Variants in SSTR4 observed in about 807,000 individuals in gnomAD.
SSTR4 encodes the protein somatostatin receptor 4, also known as somatostatin receptor type 4.
For missense variants in SSTR4, 649 were observed against 540.6 expected (o/e 1.20, Z -1.99); for synonymous variants, 272 against 246.3 (o/e 1.10, Z -0.98).
In SSTR4 at chr20:23,036,892, T is replaced by G; in HGVS notation, c.*242T>G. On this transcript the variant is annotated 3_prime_UTR_variant, in exon 1 of 1. Transcript: ENST00000255008. ...TCCTCTGGAAACTGGGCTAGGATAT[T>G]AATCATTCCTGAACCTCTGGCTGTT... 4.2e-6 allele frequency: 2 copies of G among 474,190 alleles called. No homozygotes were observed. The highest frequency in any genetic ancestry group is 7.4e-6 in the Non-Finnish European group (2 of 270,966). 29.4% of individuals were successfully genotyped at this position (474,190 alleles called of 1,614,324 possible).
In SSTR4 at chr20:23,035,640, ATCTACGCGCTGGTG is replaced by A; in HGVS notation, c.159_172del (p.Ile53MetfsTer232). Reference sequence around the variant, plus strand: ...GGCGGGCATGGTCGCTATCCAGTGCATCTACGCGCTGGTGTGCCTGGTGGGGCTGGTGGGCAACG... The same window carrying A: ...GGCGGGCATGGTCGCTATCCAGTGCATGCCTGGTGGGGCTGGTGGGCAACG... On this transcript the variant is annotated frameshift_variant, in exon 1 of 1. Transcript: ENST00000255008. LOFTEE classifies it low-confidence loss of function (END_TRUNC). 6.5e-7 allele frequency: 1 copy of A among 1,541,036 alleles called. No individual in the cohort carries two copies. Among genetic ancestry groups the A allele is most frequent in the South Asian group, 1.3e-5 (1 of 78,688 alleles).
At position 23,035,925 on chromosome 20, in the gene SSTR4, G is replaced by A. The variant is rs1375049923; in HGVS notation, c.442G>A (p.Val148Met). ...GCTCAGCGTGGACCGCTACGTGGCC[G>A]TGGTGCACCCTCTGCGCGCGGCGAC... ...TVLSVDRYVA[V>M]VHPLRAATYR... is the part of the protein sequence containing the mutation. Residue 148 changes from valine to methionine, a missense_variant, in exon 1 of 1, where the codon GTG (valine) becomes ATG (methionine). Physicochemically the swap from Val to Met is conservative, Grantham distance 21. Coordinates refer to ENST00000255008, the MANE Select transcript of SSTR4 (RefSeq NM_001052.4). The A allele has an allele frequency of 1.9e-6, 3 of 1,612,820 alleles. No individual in the cohort carries two copies. The highest frequency in any genetic ancestry group is 2.5e-6 in the Non-Finnish European group (3 of 1,179,660).
Position 23,035,615 on chromosome 20 carries a change from G to T in SSTR4, c.132G>T (p.Ala44=). 6.5e-7 allele frequency: 1 copy of T among 1,545,366 alleles called. No homozygotes were observed. The highest frequency in any genetic ancestry group is 8.7e-7 in the Non-Finnish European group (1 of 1,151,118). ...TGGCGGGGCCCGGGGACGCGCGGGC[G>T]GCGGGCATGGTCGCTATCCAGTGCA... ...EAVAGPGDAR[A]AGMVAIQCIY... Residue 44 remains alanine, a synonymous_variant, in exon 1 of 1, where the codon GCG becomes GCT. Coordinates refer to ENST00000255008, the MANE Select transcript of SSTR4 (RefSeq NM_001052.4).
chr20:23,037,288 G>C lies in SSTR4; in HGVS notation c.*638G>C, dbSNP rs1984356401. 1 of 150,102 alleles carries C rather than the reference G, an allele frequency of 6.7e-6. No homozygotes were observed. Among genetic ancestry groups the C allele is most frequent in the South Asian group, 2.2e-4 (1 of 4,644 alleles). 9.3% of individuals were successfully genotyped at this position (150,102 alleles called of 1,614,324 possible). A position where few individuals can be genotyped will look rare whatever the true frequency, so the allele number is the denominator to read the frequency against. On this transcript the variant is annotated 3_prime_UTR_variant, in exon 1 of 1. Transcript: ENST00000255008. ...TTCCTGTGAGTAGAAAAGGTTTGGAGAGACATGACATGGGGTTTATTGCAA... is the reference window on the plus strand; with the variant it reads ...TTCCTGTGAGTAGAAAAGGTTTGGACAGACATGACATGGGGTTTATTGCAA...
Position 23,035,947 on chromosome 20 carries a change from C to T in SSTR4, c.464C>T (p.Ala155Val), listed in dbSNP as rs376321198. 4.9e-5 allele frequency: 79 copies of T among 1,610,388 alleles called. No homozygotes were observed. The highest frequency in any genetic ancestry group is 6.6e-5 in the Non-Finnish European group (78 of 1,179,134). ...GCCGTGGTGCACCCTCTGCGCGCGGCGACCTACCGGCGGCCCAGCGTGGCC... is the reference window on the plus strand; with the variant it reads ...GCCGTGGTGCACCCTCTGCGCGCGGTGACCTACCGGCGGCCCAGCGTGGCC... ...YVAVVHPLRA[A>V]TYRRPSVAKL... The change falls in exon 1 of 1, where the codon GCG (alanine) becomes GTG (valine). Residue 155 changes from alanine (A) to valine (V), a missense_variant. Coordinates refer to ENST00000255008, the MANE Select transcript of SSTR4 (RefSeq NM_001052.4).
rs1226023976 is a variant in SSTR4, at chr20:23,036,388, C to G, written c.905C>G (p.Ala302Gly). ...CACGTGTCCCTTATCCTTAGCTATGCCAACAGCTGCGCCAACCCCATTCTC... is the reference window on the plus strand; with the variant it reads ...CACGTGTCCCTTATCCTTAGCTATGGCAACAGCTGCGCCAACCCCATTCTC... ...VNHVSLILSY[A>G]NSCANPILYG... Residue 302 changes from alanine (A) to glycine (G), a missense_variant, in exon 1 of 1, where the codon GCC becomes GGC. Ala to Gly is a moderately conservative substitution (Grantham distance 60, BLOSUM62 0). Transcript: ENST00000255008. 8 of 1,614,122 alleles carry G rather than the reference C, an allele frequency of 5.0e-6. No individual in the cohort carries two copies. The highest frequency in any genetic ancestry group is 1.6e-4 in the Middle Eastern group (1 of 6,062).
rs1984402042 is a variant in SSTR4 at position 23,039,017 on chromosome 20, C to T, written c.*2367C>T. On this transcript the variant is annotated 3_prime_UTR_variant, in exon 1 of 1. Transcript: ENST00000255008. ...CAGCTTTAGTTCCATCAACCCCAGGCTTTTGTAACAACTGGTTGCATGAAA... is the reference window on the plus strand; with the variant it reads ...CAGCTTTAGTTCCATCAACCCCAGGTTTTTGTAACAACTGGTTGCATGAAA... The T allele has an allele frequency of 6.6e-6, 1 of 152,228 alleles. No individual in the cohort carries two copies. Among genetic ancestry groups the T allele is most frequent in the Non-Finnish European group, 1.5e-5 (1 of 68,058 alleles). 9.4% of individuals were successfully genotyped at this position (152,228 alleles called of 1,614,324 possible). A position where few individuals can be genotyped will look rare whatever the true frequency, so the allele number is the denominator to read the frequency against.
In SSTR4 at chr20:23,038,643, A is replaced by G. The variant is rs907166850; in HGVS notation, c.*1993A>G. On this transcript the variant is annotated 3_prime_UTR_variant, in exon 1 of 1. Transcript: ENST00000255008. ...CAGTGATTTAACCTCTCTAAGCCTC[A>G]GTTTCCCACTTGGAATATGTGCCAA... Among the ~76,000 whole-genome samples the G allele has an allele frequency of 1.8e-4, 27 of 152,330 alleles. No individual in the cohort carries two copies. The highest frequency in any genetic ancestry group is 6.3e-4 in the African/African-American group (26 of 41,588).
Position 23,035,533 on chromosome 20 carries a change from C to G in SSTR4, c.50C>G (p.Thr17Arg), listed in dbSNP as rs1332222543. Residue 17 changes from threonine (T) to arginine (R), a missense_variant, in exon 1 of 1, where the codon ACG becomes AGG. Coordinates refer to ENST00000255008, the MANE Select transcript of SSTR4 (RefSeq NM_001052.4). ...LPPGGEEGLG[T>R]AWPSAANASS... is the part of the protein sequence containing the mutation. Reference sequence around the variant, plus strand: ...CCCGGGGGCGAGGAAGGGCTGGGGACGGCCTGGCCCTCTGCAGCCAATGCC... The same window carrying G: ...CCCGGGGGCGAGGAAGGGCTGGGGAGGGCCTGGCCCTCTGCAGCCAATGCC... 6 of 1,585,120 alleles carry G rather than the reference C, an allele frequency of 3.8e-6. No homozygotes were observed. The South Asian group carries it at 5.6e-5, about 15-fold the overall frequency.
chr20:23,036,759 G>A lies in SSTR4; in HGVS notation c.*109G>A, dbSNP rs559316492. 2.1e-5 allele frequency: 27 copies of A among 1,266,868 alleles called. No homozygotes were observed. Among genetic ancestry groups the A allele is most frequent in the Non-Finnish European group, 2.9e-5 (27 of 918,906 alleles). The allele number at this position is 1,266,868 out of a possible 1,614,324, so 78.5% of individuals were successfully genotyped here. ...AATGCTCACCTAAGCTCCACCACCT[G>A]TTCCTTCCAGCAGCCCATGTACCTG... is the stretch of plus-strand genomic sequence containing the variant. On this transcript the variant is annotated 3_prime_UTR_variant, in exon 1 of 1. Coordinates refer to ENST00000255008, the MANE Select transcript of SSTR4 (RefSeq NM_001052.4).
Position 23,038,764 on chromosome 20 carries a change from T to C in SSTR4, c.*2114T>C, listed in dbSNP as rs1464568679. On this transcript the variant is annotated 3_prime_UTR_variant, in exon 1 of 1. Coordinates refer to ENST00000255008, the MANE Select transcript of SSTR4 (RefSeq NM_001052.4). ...AATCAAATGGTGGGAGGGCAGGAGA[T>C]AGCACGCTTCTCTGCTTAGTCCTCC... is the stretch of plus-strand genomic sequence containing the variant. 6.6e-6 allele frequency among the ~76,000 whole-genome samples: 1 copy of C among 152,212 alleles called. No homozygotes were observed. Among genetic ancestry groups the C allele is most frequent in the Non-Finnish European group, 1.5e-5 (1 of 68,040 alleles).
Position 23,037,662 on chromosome 20 carries a change from A to T in SSTR4, c.*1012A>T, listed in dbSNP as rs1984364946. Among the ~76,000 whole-genome samples, 1 of 152,246 alleles carries T rather than the reference A, an allele frequency of 6.6e-6. No individual in the cohort carries two copies. The highest frequency in any genetic ancestry group is 1.5e-5 in the Non-Finnish European group (1 of 68,054). On this transcript the variant is annotated 3_prime_UTR_variant, in exon 1 of 1. Coordinates refer to ENST00000255008, the MANE Select transcript of SSTR4 (RefSeq NM_001052.4). ...TGTTGCCTGATGTGTTAACCAAAGG[A>T]TAAATTATCTTTCCCAAAGGGAAAG...
rs1469249982 is a variant in SSTR4, at chr20:23,038,528, G to T, written c.*1878G>T. 6.6e-6 allele frequency among the ~76,000 whole-genome samples: 1 copy of T among 152,206 alleles called. No homozygotes were observed. Among genetic ancestry groups the T allele is most frequent in the Non-Finnish European group, 1.5e-5 (1 of 68,038 alleles). ...TAGAAATGTCAGCCTTTTTAACTTA[G>T]TTGATGAAGGTTGAAGGAGAGGCAG... On this transcript the variant is annotated 3_prime_UTR_variant, in exon 1 of 1. Transcript: ENST00000255008.
rs758029035 is a variant in SSTR4 at position 23,036,160 on chromosome 20, C to G, written c.677C>G (p.Ala226Gly). 1.9e-6 allele frequency: 3 copies of G among 1,609,530 alleles called. No homozygotes were observed. The highest frequency in any genetic ancestry group is 2.5e-6 in the Non-Finnish European group (3 of 1,179,724). The change falls in exon 1 of 1, where the codon GCC becomes GGC. Residue 226 changes from alanine (A) to glycine (G), a missense_variant. Transcript: ENST00000255008. Reference protein sequence around the residue: ...FLLGFLLPVLAIGLCYLLIVG... With the variant: ...FLLGFLLPVLGIGLCYLLIVG... Reference sequence around the variant, plus strand: ...CTGGGCTTCCTGCTGCCCGTGCTGGCCATTGGCCTGTGCTACCTGCTCATC... The same window carrying G: ...CTGGGCTTCCTGCTGCCCGTGCTGGGCATTGGCCTGTGCTACCTGCTCATC...
Position 23,035,785 on chromosome 20 carries a change from C to T in SSTR4, c.302C>T (p.Pro101Leu). Residue 101 changes from proline to leucine, a missense_variant, in exon 1 of 1, where the codon CCC (proline) becomes CTC (leucine). Pro to Leu is a moderately conservative substitution (Grantham distance 98, BLOSUM62 -3). Transcript: ENST00000255008. ...VADELFMLSV[P>L]FVASSAALRH... ...GACGAGCTCTTCATGCTGAGCGTGC[C>T]CTTCGTGGCCTCGTCGGCCGCCCTG... The T allele has an allele frequency of 6.3e-7, 1 of 1,594,242 alleles. No homozygotes were observed. Among genetic ancestry groups the T allele is most frequent in the Non-Finnish European group, 8.6e-7 (1 of 1,169,304 alleles).
Position 23,035,950 on chromosome 20 carries a change from C to T in SSTR4, c.467C>T (p.Thr156Ile). The T allele has an allele frequency of 6.2e-7, 1 of 1,610,268 alleles. No homozygotes were observed. Among genetic ancestry groups the T allele is most frequent in the Non-Finnish European group, 8.5e-7 (1 of 1,179,098 alleles). ...GTGGTGCACCCTCTGCGCGCGGCGACCTACCGGCGGCCCAGCGTGGCCAAG... is the reference window on the plus strand; with the variant it reads ...GTGGTGCACCCTCTGCGCGCGGCGATCTACCGGCGGCCCAGCGTGGCCAAG... ...VAVVHPLRAA[T>I]YRRPSVAKLI... The change falls in exon 1 of 1, where the codon ACC becomes ATC. Residue 156 changes from threonine to isoleucine, a missense_variant. Coordinates refer to ENST00000255008, the MANE Select transcript of SSTR4 (RefSeq NM_001052.4).
At position 23,036,312 on chromosome 20, in the gene SSTR4, G is replaced by A. The variant is rs1047591079; in HGVS notation, c.829G>A (p.Val277Met). 8.7e-6 allele frequency: 14 copies of A among 1,614,020 alleles called. No individual in the cohort carries two copies. The highest frequency in any genetic ancestry group is 3.3e-4 in the Middle Eastern group (2 of 6,084). The change falls in exon 1 of 1, where the codon GTG (valine) becomes ATG (methionine). Residue 277 changes from valine to methionine, a missense_variant. Coordinates refer to ENST00000255008, the MANE Select transcript of SSTR4 (RefSeq NM_001052.4). ...VFVLCWMPFY[V>M]VQLLNLFVTS... ...TGTGCTCTGCTGGATGCCTTTCTAC[G>A]TGGTGCAGCTGCTGAACCTCTTCGT... is the stretch of plus-strand genomic sequence containing the variant.
rs903252237 is a variant in SSTR4, at chr20:23,038,167, G to A, written c.*1517G>A. 4 of 152,138 alleles carry A rather than the reference G, an allele frequency of 2.6e-5. No individual in the cohort carries two copies. Among genetic ancestry groups the A allele is most frequent in the East Asian group, 1.9e-4 (1 of 5,184 alleles). 9.4% of individuals were successfully genotyped at this position (152,138 alleles called of 1,614,324 possible). A position where few individuals can be genotyped will look rare whatever the true frequency, so the allele number is the denominator to read the frequency against. ...GTCAGTCTCCATGTCTGTGGGTCTC[G>A]TGTAACCATAACTACTTGGAGTTTT... is the stretch of plus-strand genomic sequence containing the variant. On this transcript the variant is annotated 3_prime_UTR_variant, in exon 1 of 1. Transcript: ENST00000255008.
chr20:23,036,224 G>T lies in SSTR4; in HGVS notation c.741G>T (p.Trp247Cys). 1 of 1,613,942 alleles carries T rather than the reference G, an allele frequency of 6.2e-7. No homozygotes were observed. The highest frequency in any genetic ancestry group is 1.1e-5 in the South Asian group (1 of 91,080). The change falls in exon 1 of 1, where the codon TGG (tryptophan) becomes TGT (cysteine). Residue 247 changes from tryptophan (W) to cysteine (C), a missense_variant. Physicochemically the swap from Trp to Cys is radical, Grantham distance 215. Coordinates refer to ENST00000255008, the MANE Select transcript of SSTR4 (RefSeq NM_001052.4). ...GCGCCGTGGCCCTGCGCGCTGGCTG[G>T]CAGCAGCGCAGGCGCTCGGAGAAGA... ...KMRAVALRAGWQQRRRSEKKI... is the reference protein window; with the variant it reads ...KMRAVALRAGCQQRRRSEKKI...
Sources: gnomAD v4.1 joint callset for allele counts (sites outside exome capture counted in the v4.1 genomes callset) on GRCh38, gnomAD v4.1.1 for gene constraint, MANE v1.5 for transcripts, NCBI Gene and HGNC (gene_info 2026-07-23, HGNC 2026-07-21) for gene names.